Variants in IGSF11 observed in about 807,000 individuals in gnomAD.
IGSF11 encodes the protein immunoglobulin superfamily member 11.
In IGSF11, 22 loss-of-function variants were observed where a neutral mutation model predicts 41.0. The ratio of observed to expected loss-of-function variants is 0.54; its 90% CI spans 0.38 to 0.77. The LOEUF (loss-of-function observed/expected upper bound fraction) is 0.77. IGSF11 is among the 30% of genes least tolerant of loss of function. IGSF11 has a pLI of 0.00. For missense variants in IGSF11, 444 were observed against 530.8 expected (o/e 0.84, Z 1.61); for synonymous variants, 219 against 201.3 (o/e 1.09, Z -0.74).
chr3:118,923,527 T>C (rs748253162), intron 4 of IGSF11, among the ~76,000 whole-genome samples: 40 of 152,210 alleles, frequency 2.6e-4, no homozygotes, highest in Non-Finnish European at 7.3e-5. Flanking sequence ...CCTTTATAGC[T>C]ATTTCTTTTC....
At position 118,953,312 on chromosome 3, in the gene IGSF11, G is replaced by A. The variant is rs1344191173; in HGVS notation, c.53-23037C>T. ...CACTCGTTGATTGATGGACATTTGG[G>A]CTGGTTCCATATATTTGCAATTACA... On this transcript the variant is annotated intron_variant, in intron 1 of 6. Transcript: ENST00000393775. 2.6e-5 allele frequency among the ~76,000 whole-genome samples: 4 copies of A among 152,234 alleles called. No homozygotes were observed. In the South Asian group the frequency reaches 8.3e-4, roughly 32 times the overall value.
At chr3:119,097,344 A>G (rs1238001344) in intron 1 of IGSF11, among the ~76,000 whole-genome samples, 1 of 152,154 alleles carries the variant, frequency 6.6e-6, no homozygotes, top group African/African-American at 2.4e-5. Flanking sequence ...CTCTGCTCAC[A>G]GGAGATGAAA....
intron 1 of IGSF11, among the ~76,000 whole-genome samples, chr3:119,103,523 A>G (rs1312522224): frequency 2.0e-5 from 3 of 152,182 alleles, no homozygotes; most frequent in Non-Finnish European, 4.4e-5. Context: ...CCTTTCTGCT[A>G]AGCCAAGAAT....
intron 1 of IGSF11, among the ~76,000 whole-genome samples, chr3:119,003,673 G>C (rs2107677059): frequency 6.6e-6 from 1 of 151,936 alleles, no homozygotes. Flanking sequence ...TTAGCATGAA[G>C]GGTTGTTGAA....
chr3:119,109,895 C>T (rs182723019), upstream of IGSF11, among the ~76,000 whole-genome samples: 508 of 152,158 alleles, frequency 3.3e-3, 2 homozygotes, highest in Non-Finnish European at 6.1e-3. Flanking sequence ...TGTAGTTGAG[C>T]GGTTTTGAGT....
At chr3:119,133,622 G>C (rs1194246530) in intron 1 of IGSF11, among the ~76,000 whole-genome samples, 1 of 152,120 alleles carries the variant, frequency 6.6e-6, no homozygotes, top group Non-Finnish European at 1.5e-5. Flanking sequence ...CGGATTCACA[G>C]CCAAATTCTA....
At chr3:118,999,443 G>A (rs1936591350) in intron 1 of IGSF11, among the ~76,000 whole-genome samples, 1 of 152,088 alleles carries the variant, frequency 6.6e-6, no homozygotes, top group African/African-American at 2.4e-5. Context: ...TGAGTAATAT[G>A]ACATATAAAA....
chr3:119,026,270 T>C (rs372218464), intron 1 of IGSF11, among the ~76,000 whole-genome samples: 8 of 152,216 alleles, frequency 5.3e-5, no homozygotes, highest in East Asian at 1.9e-4. Context: ...TTCCATTTAA[T>C]GCCACCCCAT....
chr3:119,140,181 C>G (rs2077623712), intron 1 of IGSF11, among the ~76,000 whole-genome samples: 1 of 151,302 alleles, frequency 6.6e-6, no homozygotes, highest in Non-Finnish European at 1.5e-5. Flanking sequence ...CAGAATGGAC[C>G]CTCCCCCCAA....
rs151105053 is a variant in IGSF11, at chr3:118,902,721, G to A, written c.1095C>T (p.Val365=). The change falls in exon 7 of 7, where the codon GTC becomes GTT. Residue 365 remains valine, a synonymous_variant. Transcript: ENST00000393775. Reference sequence around the variant, plus strand: ...CTACCAGAGTCTTATGTTGACCCGGGACCAGATGGGTCCCATTAGCATAAA... The same window carrying A: ...CTACCAGAGTCTTATGTTGACCCGGAACCAGATGGGTCCCATTAGCATAAA... The part of the protein sequence containing the change: ...PSIYANGTHL[V]PGQHKTLVVT... The A allele has an allele frequency of 1.6e-5, 26 of 1,613,998 alleles. No homozygotes were observed. In the Admixed American group the frequency reaches 3.5e-4, roughly 22 times the overall value.
intron 1 of IGSF11, among the ~76,000 whole-genome samples, chr3:119,059,677 CT>C (rs1202480567): frequency 2.6e-5 from 4 of 151,688 alleles, no homozygotes; most frequent in African/African-American, 2.4e-5. Context: ...AACTGCCAAG[CT>C]TTTTTTTCCT....
rs368562269 is a variant in IGSF11 at position 119,047,434 on chromosome 3, A to G, written c.49+57710T>C. Among the ~76,000 whole-genome samples the G allele has an allele frequency of 6.6e-5, 10 of 152,134 alleles. 1 individual carries two copies. The highest frequency in any genetic ancestry group is 2.4e-4 in the African/African-American group (10 of 41,432). On this transcript the variant is annotated intron_variant, in intron 1 of 6. Transcript: ENST00000354673. ...CATAATGGTAAAGGGATCAATTCAA[A>G]AAGAAGAGCTAACTATCCTAAATAT... is the stretch of plus-strand genomic sequence containing the variant.
intron 4 of IGSF11, among the ~76,000 whole-genome samples, chr3:118,921,715 C>A (rs542606166): frequency 1.3e-5 from 2 of 152,114 alleles, no homozygotes; most frequent in Non-Finnish European, 2.9e-5. Context: ...CTCTTACATA[C>A]ATTATTCTGT....
chr3:118,990,090 T>A (rs1391606813), intron 1 of IGSF11, among the ~76,000 whole-genome samples: 1 of 152,168 alleles, frequency 6.6e-6, no homozygotes, highest in African/African-American at 2.4e-5. Flanking sequence ...TACAAAGAGA[T>A]TCACAGAGAC....
At chr3:118,937,219 T>C (rs1488157076) in intron 1 of IGSF11, among the ~76,000 whole-genome samples, 2 of 152,192 alleles carry the variant, frequency 1.3e-5, no homozygotes, top group African/African-American at 2.4e-5. Flanking sequence ...GTTTATATCA[T>C]CCCATATGAT....
rs575862154 is a variant in IGSF11 at position 119,011,573 on chromosome 3, G to A, written c.52+22958C>T. On this transcript the variant is annotated intron_variant, in intron 1 of 6. Coordinates refer to ENST00000393775, the MANE Select transcript of IGSF11 (RefSeq NM_001015887.3). Reference sequence around the variant, plus strand: ...AAGGCAACATAGGCTACCAGAGAGAGAAAGAGGAACCCTGGAAAGAAGAGG... The same window carrying A: ...AAGGCAACATAGGCTACCAGAGAGAAAAAGAGGAACCCTGGAAAGAAGAGG... 2.0e-5 allele frequency among the ~76,000 whole-genome samples: 3 copies of A among 152,180 alleles called. No individual in the cohort carries two copies. In the South Asian group the frequency reaches 6.2e-4, roughly 32 times the overall value.
rs192003499 is a variant in IGSF11, at chr3:118,950,078, G to A, written c.53-19803C>T. 5.1e-4 allele frequency among the ~76,000 whole-genome samples: 77 copies of A among 152,284 alleles called. 1 individual carries two copies. Among genetic ancestry groups the A allele is most frequent in the African/African-American group, 1.8e-3 (74 of 41,568 alleles). On this transcript the variant is annotated intron_variant, in intron 1 of 6. Coordinates refer to ENST00000393775, the MANE Select transcript of IGSF11 (RefSeq NM_001015887.3). ...TTATCCCTAATATTTATTGAGTCAG[G>A]AATGGAAGTATAAATTTTTACTTCC... is the stretch of plus-strand genomic sequence containing the variant.
chr3:118,970,545 T>C (rs1933271267), intron 1 of IGSF11, among the ~76,000 whole-genome samples: 1 of 152,208 alleles, frequency 6.6e-6, no homozygotes, highest in African/African-American at 2.4e-5. Flanking sequence ...AATCCTGGCA[T>C]TATCAAAACA....
At chr3:119,098,581 A>C (rs1474126282) in intron 1 of IGSF11, among the ~76,000 whole-genome samples, 1 of 152,242 alleles carries the variant, frequency 6.6e-6, no homozygotes, top group Admixed American at 6.5e-5. Context: ...TAAGAAATGA[A>C]GCCAAAAACC....
Sources: allele counts gnomAD v4.1 joint callset (sites outside exome capture counted in the v4.1 genomes callset), GRCh38; gene constraint gnomAD v4.1.1; transcripts MANE v1.5; gene names NCBI Gene and HGNC (gene_info 2026-07-23, HGNC 2026-07-21).